Variants in AKAP3 observed in about 807,000 individuals in gnomAD.
AKAP3 encodes the protein A-kinase anchoring protein 3, also known as A-kinase anchor protein 3.
Under a neutral mutation model 57.2 loss-of-function variants are expected in AKAP3, and 27 were observed. The ratio of observed to expected loss-of-function variants is 0.47; its 90% CI spans 0.35 to 0.65. The LOEUF is 0.65. Among genes scored for constraint, AKAP3 ranks in the 30% least tolerant of loss-of-function variants. AKAP3 has a pLI of 0.01. For missense variants in AKAP3, 959 were observed against 1,040.0 expected (o/e 0.92, Z 1.07); for synonymous variants, 334 against 392.3 (o/e 0.85, Z 1.76).
At chr12:4,631,535 T>C (rs557968887) in intron 4 of AKAP3, among the ~76,000 whole-genome samples, 9 of 152,052 alleles carry the variant, frequency 5.9e-5, no homozygotes, top group Non-Finnish European at 1.2e-4. Flanking sequence ...CCCCAGAGAG[T>C]ATTAATGTGT....
chr12:4,632,700 G>A (rs10444479), intron 4 of AKAP3, among the ~76,000 whole-genome samples: 6 of 152,000 alleles, frequency 3.9e-5, no homozygotes, highest in African/African-American at 1.2e-4. Context: ...GAGTGCAGTC[G>A]TGCGATCTCA....
At chr12:4,648,219 G>GA (rs1945722223) in intron 1 of AKAP3, among the ~76,000 whole-genome samples, 2 of 152,272 alleles carry the variant, frequency 1.3e-5, no homozygotes, top group African/African-American at 2.4e-5. Context: ...CACAGTTAAA[G>GA]AAAAAATTAC....
At chr12:4,624,188 T>A (rs769940692) in intron 5 of AKAP3, among the ~76,000 whole-genome samples, 2 of 151,990 alleles carry the variant, frequency 1.3e-5, no homozygotes, top group Non-Finnish European at 2.9e-5. Context: ...AAAACATATA[T>A]AAAACATATA....
At chr12:4,634,441 C>G (rs557589833) in intron 4 of AKAP3, among the ~76,000 whole-genome samples, 1 of 152,224 alleles carries the variant, frequency 6.6e-6, no homozygotes, top group East Asian at 1.9e-4. Flanking sequence ...ATGCAGTACC[C>G]TATTGACAGT....
chr12:4,635,026 T>C (rs1337771558), intron 4 of AKAP3, among the ~76,000 whole-genome samples: 3 of 152,094 alleles, frequency 2.0e-5, no homozygotes, highest in Non-Finnish European at 2.9e-5. Flanking sequence ...TGTGGAGAAA[T>C]GGGCTGGTTA....
chr12:4,633,499 C>T (rs879732594), intron 4 of AKAP3, among the ~76,000 whole-genome samples: 6 of 152,082 alleles, frequency 3.9e-5, no homozygotes, highest in Non-Finnish European at 7.3e-5. Context: ...GACTGAAAGA[C>T]TAAGTACCCA....
chr12:4,633,968 TTC>T (rs1449633390), intron 4 of AKAP3, among the ~76,000 whole-genome samples: 1 of 99,254 alleles, frequency 1.0e-5, no homozygotes, highest in Non-Finnish European at 1.9e-5. Context: ...CATATCTATA[TTC>T]TTTTTTTTTT....
intron 4 of AKAP3, chr12:4,631,468 C>T: frequency 1.6e-6 from 1 of 631,224 alleles, no homozygotes; most frequent in Non-Finnish European, 2.8e-6. Flanking sequence ...CTATCAGTGT[C>T]TGTATCACTA....
Position 4,628,525 on chromosome 12 carries a change from A to G in AKAP3, c.377T>C (p.Phe126Ser), listed in dbSNP as rs1331207440. ...GNGSSVDEVSFYANRLTNLVI... is the reference protein window; with the variant it reads ...GNGSSVDEVSSYANRLTNLVI... ...TAGATTCGTGAGGCGGTTAGCATAG[A>G]AGGAAACTTCATCTACTGAACTCCC... The change falls in exon 5 of 6, where the codon TTC (phenylalanine) becomes TCC (serine). Residue 126 changes from phenylalanine to serine, a missense_variant. Coordinates refer to ENST00000228850, the MANE Select transcript of AKAP3 (RefSeq NM_001278309.2). 1.2e-6 allele frequency: 2 copies of G among 1,614,174 alleles called. No individual in the cohort carries two copies. Among genetic ancestry groups the G allele is most frequent in the Non-Finnish European group, 1.7e-6 (2 of 1,179,998 alleles).
At chr12:4,618,614 A>G (rs2137423857) in intron 5 of AKAP3, among the ~76,000 whole-genome samples, 1 of 152,342 alleles carries the variant, frequency 6.6e-6, no homozygotes, top group East Asian at 1.9e-4. Flanking sequence ...TATTTTGCTC[A>G]TTGCATGTTG....
intron 4 of AKAP3, among the ~76,000 whole-genome samples, chr12:4,634,669 A>T (rs1945541810): frequency 1.3e-5 from 2 of 151,854 alleles, no homozygotes. Context: ...ATCTATTAAG[A>T]TGCATTTATT....
At chr12:4,632,931 T>G (rs938254188) in intron 4 of AKAP3, among the ~76,000 whole-genome samples, 1 of 152,120 alleles carries the variant, frequency 6.6e-6, no homozygotes, top group African/African-American at 2.4e-5. Context: ...TGAGCCACCA[T>G]GCCCGGCCCC....
At chr12:4,631,435 A>G in intron 4 of AKAP3, 1 of 679,174 alleles carries the variant, frequency 1.5e-6, no homozygotes, top group Non-Finnish European at 2.7e-6. Flanking sequence ...CTGAAAGTTT[A>G]GAATTGAAGC....
rs757998308 is a variant in AKAP3 at position 4,628,651 on chromosome 12, T to C, written c.251A>G (p.Asp84Gly). The C allele has an allele frequency of 1.9e-6, 3 of 1,614,236 alleles. No homozygotes were observed. The highest frequency in any genetic ancestry group is 2.5e-6 in the Non-Finnish European group (3 of 1,180,032). Residue 84 changes from aspartate to glycine, a missense_variant, in exon 5 of 6, where the codon GAC becomes GGC. By Grantham distance (94) the Asp-to-Gly change is moderately conservative (BLOSUM62 -1). Transcript: ENST00000228850. ...SGDPHKGFSV[D>G]YYNTTTKGTP... Reference sequence around the variant, plus strand: ...GCCCTTGGTGGTGGTGTTGTAATAGTCTACAGAGAAACCTTTGTGTGGGTC... The same window carrying C: ...GCCCTTGGTGGTGGTGTTGTAATAGCCTACAGAGAAACCTTTGTGTGGGTC...
In AKAP3 at chr12:4,638,503, G is replaced by C. The variant is rs1945593865; in HGVS notation, c.1-307C>G. On this transcript the variant is annotated intron_variant, in intron 3 of 5. Coordinates refer to ENST00000228850, the MANE Select transcript of AKAP3 (RefSeq NM_001278309.2). ...AGGCAGCCATGTCCCGCCCCTTTAT[G>C]TCCTTGCTTGACGACCCTCCCCCTG... Among the ~76,000 whole-genome samples, 3 of 152,090 alleles carry C rather than the reference G, an allele frequency of 2.0e-5. No homozygotes were observed. The South Asian group carries it at 6.2e-4, about 32-fold the overall frequency.
At chr12:4,620,229 C>T (rs1319820396) in intron 5 of AKAP3, among the ~76,000 whole-genome samples, 24 of 152,000 alleles carry the variant, frequency 1.6e-4, no homozygotes, top group Admixed American at 1.1e-3. Context: ...CGGTGGCTCA[C>T]GCCTGTAATC....
chr12:4,635,369 T>C (rs1192074910), intron 4 of AKAP3: 2 of 620,054 alleles, frequency 3.2e-6, no homozygotes, highest in Non-Finnish European at 5.8e-6. Context: ...GACTCCTGTT[T>C]GGTTGTGTGG....
In AKAP3 at chr12:4,625,162, C is replaced by G. The variant is rs1381451546; in HGVS notation, c.2406+1334G>C. Among the ~76,000 whole-genome samples, 2 of 152,118 alleles carry G rather than the reference C, an allele frequency of 1.3e-5. No homozygotes were observed. The highest frequency in any genetic ancestry group is 2.9e-5 in the Non-Finnish European group (2 of 68,020). The stretch of plus-strand genomic sequence containing the variant: ...CCTGCGTGGAGACAGAGCTTGCCAA[C>G]GACCCTTAGGAATAGATCTAATATT... On this transcript the variant is annotated intron_variant, in intron 5 of 5. Coordinates refer to ENST00000228850, the MANE Select transcript of AKAP3 (RefSeq NM_001278309.2). This position sits in a 1 kb window ranked among gnomAD's most constrained non-coding sequence, Gnocchi z 5.4.
intron 3 of AKAP3, among the ~76,000 whole-genome samples, chr12:4,641,194 C>T (rs1483570617): frequency 1.3e-5 from 2 of 151,262 alleles, no homozygotes; most frequent in Non-Finnish European, 2.9e-5. Flanking sequence ...TCCGCCTTCC[C>T]AGGGAGTATC....
Sources: allele counts gnomAD v4.1 joint callset (sites outside exome capture counted in the v4.1 genomes callset), GRCh38; gene constraint gnomAD v4.1.1; non-coding constraint Gnocchi (gnomAD v3.1); transcripts MANE v1.5; gene names NCBI Gene and HGNC (gene_info 2026-07-23, HGNC 2026-07-21).